The following KLRG1 variants were observed in gnomAD, a reference collection of about 807,000 sequenced individuals.
The protein encoded by KLRG1 is killer cell lectin-like receptor subfamily G member 1.
Under a neutral mutation model 21.8 loss-of-function variants are expected in KLRG1, and 16 were observed. The observed-to-expected ratio is 0.73, with a 90% CI of 0.50 to 1.11. The LOEUF is 1.11. KLRG1 is among the 50% of genes most tolerant of loss of function. The pLI is 0.00. For missense variants in KLRG1, 173 were observed against 218.3 expected (o/e 0.79, Z 1.31); for synonymous variants, 69 against 75.9 (o/e 0.91, Z 0.47).
the KLRG1 span, among the ~76,000 whole-genome samples, chr12:9,032,868 A>G: frequency 2.6e-5 from 4 of 152,096 alleles, no homozygotes; most frequent in South Asian, 2.1e-4. Context: ...CCACACTCCT[A>G]TGATTTTACC....
At chr12:9,047,326 C>T in the KLRG1 span, among the ~76,000 whole-genome samples, 1 of 152,150 alleles carries the variant, frequency 6.6e-6, no homozygotes, top group African/African-American at 2.4e-5. Context: ...ATGTGCACCA[C>T]CTGTGACTCA....
the KLRG1 span, among the ~76,000 whole-genome samples, chr12:9,146,030 T>C: frequency 6.6e-6 from 1 of 152,202 alleles, no homozygotes; most frequent in East Asian, 1.9e-4. Flanking sequence ...GGGTTCATCT[T>C]ACTTAGTTAT....
chr12:9,187,069 A>C, the KLRG1 span, among the ~76,000 whole-genome samples: 1 of 100,248 alleles, frequency 1.0e-5, no homozygotes, highest in Non-Finnish European at 2.1e-5. Flanking sequence ...CTTTAAACCA[A>C]GAAAGGTCAA....
At chr12:9,176,489 C>T in the KLRG1 span, among the ~76,000 whole-genome samples, 3 of 152,130 alleles carry the variant, frequency 2.0e-5, no homozygotes, top group South Asian at 2.1e-4. Flanking sequence ...ATAAATAAAA[C>T]GCAGTCCATA....
downstream of KLRG1, among the ~76,000 whole-genome samples, chr12:9,014,984 T>G (rs1592288168): frequency 6.6e-6 from 1 of 151,948 alleles, no homozygotes; most frequent in African/African-American, 2.4e-5. Context: ...AGCCTTATGG[T>G]AACCTCAAAT....
chr12:9,162,071 C>T, the KLRG1 span, among the ~76,000 whole-genome samples: 192 of 152,258 alleles, frequency 1.3e-3, 3 homozygotes, highest in East Asian at 0.011. Flanking sequence ...AAGCGATTCT[C>T]GTGCCCCAGC....
the KLRG1 span, chr12:9,200,353 A>G: frequency 6.4e-7 from 1 of 1,560,790 alleles, no homozygotes; most frequent in Non-Finnish European, 8.8e-7. Flanking sequence ...GATAAAAACA[A>G]TGTAACTCAC....
the KLRG1 span, chr12:9,074,479 T>A: frequency 7.5e-7 from 1 of 1,334,636 alleles, no homozygotes; most frequent in Non-Finnish European, 1.0e-6. Flanking sequence ...TATTTTTTTC[T>A]TCTTGGATGT....
intron 1 of KLRG1, among the ~76,000 whole-genome samples, chr12:8,966,802 A>G (rs947000926): frequency 1.4e-5 from 2 of 145,400 alleles, no homozygotes; most frequent in African/African-American, 5.0e-5. Context: ...CTAGAACTAG[A>G]AATACCATTT....
chr12:9,110,317 AATGTATACT>A, the KLRG1 span: 1 of 1,463,076 alleles, frequency 6.8e-7, no homozygotes, highest in Non-Finnish European at 9.3e-7. Context: ...TGCTTACCTG[AATGTATACT>A]AGTGGAATCT....
At chr12:9,188,229 T>C in the KLRG1 span, among the ~76,000 whole-genome samples, 1 of 152,198 alleles carries the variant, frequency 6.6e-6, no homozygotes, top group East Asian at 1.9e-4. Context: ...CATAGGCATA[T>C]CAATAAATGT....
At chr12:9,113,105 CTTT>C in the KLRG1 span, among the ~76,000 whole-genome samples, 1 of 143,920 alleles carries the variant, frequency 6.9e-6, no homozygotes, top group African/African-American at 2.6e-5. Context: ...GTCACATTTT[CTTT>C]TTTTTTTTTT....
the KLRG1 span, among the ~76,000 whole-genome samples, chr12:9,016,981 C>T: frequency 6.6e-5 from 10 of 151,964 alleles, no homozygotes; most frequent in African/African-American, 2.4e-4. Flanking sequence ...GCCAGTATTA[C>T]CCTGATACAA....
chr12:9,199,474 C>T, the KLRG1 span, among the ~76,000 whole-genome samples: 77 of 152,050 alleles, frequency 5.1e-4, no homozygotes, highest in Admixed American at 9.8e-4. Flanking sequence ...TGCACTATTT[C>T]TGGTTATTGA....
chr12:8,973,829 A>G, intron 1 of KLRG1, among the ~76,000 whole-genome samples: 1 of 152,246 alleles, frequency 6.6e-6, no homozygotes, highest in Middle Eastern at 3.4e-3. Context: ...GCTATTATAA[A>G]TGGTATTAAT....
At chr12:8,995,751 T>C (rs906031068) in intron 3 of KLRG1, among the ~76,000 whole-genome samples, 18 of 151,764 alleles carry the variant, frequency 1.2e-4, no homozygotes, top group Admixed American at 3.3e-4. Context: ...GGTGTGATCT[T>C]GGCTCACTCC....
chr12:9,202,536 G>C, the KLRG1 span: 3 of 1,613,938 alleles, frequency 1.9e-6, no homozygotes, highest in Non-Finnish European at 2.5e-6. Context: ...TGTCTGTCCT[G>C]GTTTATACAT....
upstream of KLRG1, among the ~76,000 whole-genome samples, chr12:8,985,901 T>G (rs920876007): frequency 3.9e-5 from 6 of 152,116 alleles, no homozygotes; most frequent in Non-Finnish European, 8.8e-5. Flanking sequence ...GGACCCTCTC[T>G]GGGGAAGGTT....
At chr12:9,127,866 C>G in the KLRG1 span, 1 of 259,998 alleles carries the variant, frequency 3.8e-6, no homozygotes, top group Non-Finnish European at 7.8e-6. Context: ...GCCCCGGGGC[C>G]CCGGCAATTA....
Sources: allele counts gnomAD v4.1 joint callset (sites outside exome capture counted in the v4.1 genomes callset), GRCh38; gene constraint gnomAD v4.1.1; transcripts MANE v1.5; gene names NCBI Gene and HGNC (gene_info 2026-07-23, HGNC 2026-07-21).